The following SCRIB variants were observed in gnomAD, a reference collection of about 807,000 sequenced individuals.
SCRIB encodes protein scribble homolog.
Under a neutral mutation model 170.0 loss-of-function variants are expected in SCRIB, and 72 were observed. That is an observed-to-expected ratio of 0.42 (90% CI 0.35 to 0.52). The LOEUF (loss-of-function observed/expected upper bound fraction) is 0.52, where lower values mean the gene tolerates loss of function less well. Among genes scored for constraint, SCRIB ranks in the 20% least tolerant of loss-of-function variants. The probability of loss-of-function intolerance (pLI) is 0.02; values close to 1 mark genes in which losing one functional copy is unlikely to be tolerated. For missense variants in SCRIB, 2,475 were observed against 2,338.5 expected, an observed-to-expected ratio of 1.06 and a Z score of -1.20; for synonymous variants, 1,298 against 1,044.3, an observed-to-expected ratio of 1.24 and a Z score of -4.68.
chr8:143,806,532 A>G (rs1234499458), intron 17 of SCRIB, 48 bp from the exon 18 acceptor site: 2 of 1,447,444 alleles, frequency 1.4e-6, no homozygotes, highest in Non-Finnish European at 1.9e-6. Flanking sequence ...ACGGGCCCGC[A>G]TTCCTGCTCC....
rs537353788 is a variant in SCRIB, at chr8:143,804,477, G to A, written c.3009+91C>T. ...AGCAGGCCGGCTTCCCACCTGGAGT[G>A]GGCCGCAAGGCCATAAGAGAGCAGG... On this transcript the variant is annotated intron_variant, in intron 21 of 36. Transcript: ENST00000356994. The A allele has an allele frequency of 9.0e-6, 12 of 1,335,060 alleles. No homozygotes were observed. The East Asian group carries it at 3.1e-4, about 34-fold the overall frequency. The allele number at this position is 1,335,060 out of a possible 1,614,324, so 82.7% of individuals were successfully genotyped here. A position where few individuals can be genotyped will look rare whatever the true frequency, so the allele number is the denominator to read the frequency against.
rs754588906 is a variant in SCRIB at position 143,811,275 on chromosome 8, G to A, written c.977C>T (p.Ala326Val). 92 of 1,612,472 alleles carry A rather than the reference G, an allele frequency of 5.7e-5. No individual in the cohort carries two copies. The South Asian group carries it at 7.8e-4, about 14-fold the overall frequency. ...NLNVDRNHLEALPPEIGGCVA... is the reference protein window; with the variant it reads ...NLNVDRNHLEVLPPEIGGCVA... Reference sequence around the variant, plus strand: ...ACAGCCCCCGATCTCGGGCGGCAGCGCCTCGAGGTGGTTCCGGTCCACGTT... The same window carrying A: ...ACAGCCCCCGATCTCGGGCGGCAGCACCTCGAGGTGGTTCCGGTCCACGTT... The change falls in exon 10 of 37, where the codon GCG becomes GTG. Residue 326 changes from alanine (A) to valine (V), a missense_variant. Around this residue, in one of 3 missense-constraint regions of SCRIB, gnomAD observed 487 missense variants for 558.1 expected, o/e 0.87. Coordinates refer to ENST00000356994, the MANE Select transcript of SCRIB (RefSeq NM_182706.5).
At chr8:143,801,764 G>A (rs1815181166) in intron 24 of SCRIB, among the ~76,000 whole-genome samples, 1 of 152,196 alleles carries the variant, frequency 6.6e-6, no homozygotes, top group African/African-American at 2.4e-5. Context: ...CACTGCTCGG[G>A]ACCCCTGGCT....
In SCRIB at chr8:143,814,077, G is replaced by A. The variant is rs1443366446; in HGVS notation, c.201C>T (p.Ser67=). The change falls in exon 2 of 37, where the codon AGC becomes AGT. Residue 67 remains serine (S), a synonymous_variant. Coordinates refer to ENST00000356994, the MANE Select transcript of SCRIB (RefSeq NM_182706.5). ...GAGGCAACCGCTGGATCTCGTTGTC[G>A]CTCAGGCCCAGCTTGCGCAAGTTCA... ...RLLNLRKLGL[S]DNEIQRLPPE... is the part of the protein sequence containing the mutation. The A allele has an allele frequency of 7.1e-6, 11 of 1,555,658 alleles. No homozygotes were observed. The East Asian group carries it at 7.2e-5, about 10-fold the overall frequency.
rs895871419 is a variant in SCRIB at position 143,812,681 on chromosome 8, C to G, written c.787+136G>C. The stretch of plus-strand genomic sequence containing the variant: ...TGCCCCAGGGTCCCACCTCCCCTCC[C>G]CAGGGACAGCTCCCAGAGCCTGGGC... On this transcript the variant is annotated intron_variant, in intron 8 of 36. Transcript: ENST00000356994. The G allele has an allele frequency of 2.4e-5, 30 of 1,239,272 alleles. No individual in the cohort carries two copies. The African/African-American group carries it at 3.4e-4, about 14-fold the overall frequency. The allele number at this position is 1,239,272 out of a possible 1,614,324, so 76.8% of individuals were successfully genotyped here.
intron 13 of SCRIB, 46 bp downstream of exon 13, chr8:143,810,433 G>C (rs1419238014): frequency 6.3e-7 from 1 of 1,593,030 alleles, no homozygotes; most frequent in Non-Finnish European, 8.5e-7. Flanking sequence ...GACCACCACA[G>C]CTCCCGGGTC....
chr8:143,795,375 T>C lies in SCRIB; in HGVS notation c.3715-42A>G. 1.9e-6 allele frequency: 3 copies of C among 1,612,574 alleles called. No individual in the cohort carries two copies. The South Asian group carries it at 3.3e-5, about 18-fold the overall frequency. On this transcript the variant is annotated intron_variant, in intron 25 of 36. Transcript: ENST00000356994. ...GCAGACCCGTCAGGCACCACCGGCC[T>C]CGGGCTCCCTGGCCCTGGGGCTGCC...
In SCRIB at chr8:143,792,997, C is replaced by T. The variant is rs1460616299; in HGVS notation, c.3996G>A (p.Pro1332=). The change falls in exon 29 of 37, where the codon CCG becomes CCA. Residue 1332 remains proline (P), a synonymous_variant. Coordinates refer to ENST00000356994, the MANE Select transcript of SCRIB (RefSeq NM_182706.5). ...RAFAAVPTSH[P]PEDAPAQPPT... The stretch of plus-strand genomic sequence containing the variant: ...ACACCTGGGCAGGGGCATCCTCAGG[C>T]GGGTGAGAAGTGGGCACGGCCGCGA... 29 of 1,511,160 alleles carry T rather than the reference C, an allele frequency of 1.9e-5. No individual in the cohort carries two copies. The highest frequency in any genetic ancestry group is 2.3e-5 in the Admixed American group (1 of 43,874). The allele number at this position is 1,511,160 out of a possible 1,614,324, so 93.6% of individuals were successfully genotyped here.
chr8:143,815,750 G>T lies in SCRIB; in HGVS notation c.-378C>A. 1.0e-6 allele frequency: 1 copy of T among 983,300 alleles called. No individual in the cohort carries two copies. 60.9% of individuals were successfully genotyped at this position (983,300 alleles called of 1,614,324 possible). A position where few individuals can be genotyped will look rare whatever the true frequency, so the allele number is the denominator to read the frequency against. On this transcript the variant is annotated 5_prime_UTR_variant, in exon 1 of 37. Coordinates refer to ENST00000356994, the MANE Select transcript of SCRIB (RefSeq NM_182706.5). ...CCGCCGACACCCACCCGGCCGCCGC[G>T]CAGCCCGTCGGGAAGCCGAGTCCGG...
chr8:143,804,112 A>G lies in SCRIB; in HGVS notation c.3054T>C (p.Ile1018=), dbSNP rs1554635757. 6.2e-7 allele frequency: 1 copy of G among 1,612,886 alleles called. No homozygotes were observed. The highest frequency in any genetic ancestry group is 8.5e-7 in the Non-Finnish European group (1 of 1,179,516). The part of the protein sequence containing the change: ...PRAGGPLGLS[I]VGGSDHSSHP... The stretch of plus-strand genomic sequence containing the variant: ...GGCTGGAATGGTCGGAGCCTCCGAC[A>G]ATACTAAGCCCCAGAGGGCCCCCAG... The change falls in exon 22 of 37, where the codon ATT becomes ATC. Residue 1018 remains isoleucine, a synonymous_variant. Coordinates refer to ENST00000356994, the MANE Select transcript of SCRIB (RefSeq NM_182706.5).
chr8:143,799,914 GAAGA>G (rs1475883656), intron 24 of SCRIB, among the ~76,000 whole-genome samples: 5 of 152,104 alleles, frequency 3.3e-5, no homozygotes, highest in African/African-American at 1.2e-4. Context: ...CGCACAGTGA[GAAGA>G]AAGTTACAGA....
chr8:143,791,603 G>T, intron 35 of SCRIB, 63 bp downstream of exon 35: 1 of 1,515,916 alleles, frequency 6.6e-7, no homozygotes, highest in South Asian at 1.1e-5. Flanking sequence ...CTGCGGGAGC[G>T]GATGGGGGCG....
At chr8:143,797,173 G>C (rs1422417693) in intron 24 of SCRIB, among the ~76,000 whole-genome samples, 1 of 152,254 alleles carries the variant, frequency 6.6e-6, no homozygotes, top group Admixed American at 6.5e-5. Flanking sequence ...TGAGAGAGGG[G>C]AGGTCGTGTC....
chr8:143,810,907 G>C lies in SCRIB; in HGVS notation c.1272C>G (p.Leu424=). The C allele has an allele frequency of 6.2e-7, 1 of 1,611,348 alleles. No individual in the cohort carries two copies. The highest frequency in any genetic ancestry group is 8.5e-7 in the Non-Finnish European group (1 of 1,179,904). Residue 424 remains leucine, a splice_region_variant and synonymous_variant, in exon 11 of 37, where the codon CTC becomes CTG. Coordinates refer to ENST00000356994, the MANE Select transcript of SCRIB (RefSeq NM_182706.5). ...YLLPQQPPPS[L]EDAGQQGSLS... is the part of the protein sequence containing the mutation. ...AAGCACCGGTTGCCAACAACCTACCGAGGCTGGGTGGGGGCTGCTGGGGCA... is the reference window on the plus strand; with the variant it reads ...AAGCACCGGTTGCCAACAACCTACCCAGGCTGGGTGGGGGCTGCTGGGGCA...
chr8:143,807,734 C>A, intron 15 of SCRIB, 120 bp from the exon 16 acceptor site: 5 of 818,610 alleles, frequency 6.1e-6, no homozygotes, highest in Non-Finnish European at 8.5e-6. Flanking sequence ...GCTCCCTCGA[C>A]TGCCCTGGCA....
intron 16 of SCRIB, 51 bp downstream of exon 16, chr8:143,807,501 G>A (rs782419501): frequency 2.0e-6 from 3 of 1,486,970 alleles, no homozygotes; most frequent in Middle Eastern, 1.7e-4. Context: ...CACAGCCCGG[G>A]AAGCAAGGCC....
chr8:143,808,432 A>AGGCCTGG (rs1384533298), intron 15 of SCRIB, among the ~76,000 whole-genome samples, 177 bp downstream of exon 15: 1 of 152,122 alleles, frequency 6.6e-6, no homozygotes, highest in Non-Finnish European at 1.5e-5. Flanking sequence ...ATGCCAGGGC[A>AGGCCTGG]GGCCTGGGGT....
intron 1 of SCRIB, among the ~76,000 whole-genome samples, chr8:143,814,374 G>C (rs149611627): frequency 1.3e-5 from 2 of 151,540 alleles, no homozygotes; most frequent in Non-Finnish European, 2.9e-5. Context: ...CTGGCGACCA[G>C]ACAAAGCCCC....
In SCRIB at chr8:143,805,140, C is replaced by A; in HGVS notation, c.2642G>T (p.Gly881Val). ...ATCACCAGCCCTGTAGGGTGTGGAG[C>A]CTTTCCCACCAGCAATGCTGAAGCC... The part of the protein sequence containing the change: ...GLGFSIAGGK[G>V]STPYRAGDAG... The change falls in exon 19 of 37, where the codon GGC becomes GTC. Residue 881 changes from glycine (G) to valine (V), a missense_variant. Transcript: ENST00000356994. The A allele has an allele frequency of 6.3e-7, 1 of 1,582,268 alleles. No homozygotes were observed. Among genetic ancestry groups the A allele is most frequent in the South Asian group, 1.2e-5 (1 of 86,766 alleles).
Sources: allele counts gnomAD v4.1 joint callset (sites outside exome capture counted in the v4.1 genomes callset), GRCh38; gene constraint gnomAD v4.1.1; regional missense constraint gnomAD v4.1.1; transcripts MANE v1.5; gene names NCBI Gene and HGNC (gene_info 2026-07-23, HGNC 2026-07-21).